The following TMEM45B variants were observed in gnomAD, a reference collection of about 807,000 sequenced individuals.
The protein encoded by TMEM45B is transmembrane protein 45B.
Under a neutral mutation model 27.3 loss-of-function variants are expected in TMEM45B, and 29 were observed. That is an observed-to-expected ratio of 1.06 (90% CI 0.79 to 1.45). The LOEUF (loss-of-function observed/expected upper bound fraction) is 1.45. Ranked by LOEUF, TMEM45B falls within the 40% of genes most tolerant of loss-of-function variation. The probability of loss-of-function intolerance (pLI) is 0.00; values close to 1 mark genes in which losing one functional copy is unlikely to be tolerated. For synonymous variants in TMEM45B, 143 were observed against 134.7 expected (o/e 1.06, Z -0.43); for missense variants, 348 against 343.9 (o/e 1.01, Z -0.09).
intron 2 of TMEM45B, among the ~76,000 whole-genome samples, chr11:129,853,776 C>G (rs1049722043): frequency 6.6e-6 from 1 of 152,112 alleles, no homozygotes; most frequent in Non-Finnish European, 1.5e-5. Context: ...CTTCCTGACT[C>G]TGTGTGTGGG....
intron 1 of TMEM45B, among the ~76,000 whole-genome samples, chr11:129,843,225 A>G (rs1241853610): frequency 2.0e-5 from 3 of 152,228 alleles, no homozygotes; most frequent in Non-Finnish European, 4.4e-5. Context: ...GATTACAGGC[A>G]TGAGCCACTG....
At chr11:129,858,090 A>G (rs1318609315) in intron 5 of TMEM45B, among the ~76,000 whole-genome samples, 1 of 152,192 alleles carries the variant, frequency 6.6e-6, no homozygotes, top group Non-Finnish European at 1.5e-5. Flanking sequence ...AGGTCACCCC[A>G]CTAATAAATG....
intron 1 of TMEM45B, among the ~76,000 whole-genome samples, chr11:129,817,337 G>A (rs1021271048): frequency 6.6e-6 from 1 of 152,190 alleles, no homozygotes; most frequent in Non-Finnish European, 1.5e-5. Context: ...GCCCAGGGGC[G>A]TCAGACTTAG....
At position 129,854,646 on chromosome 11, in the gene TMEM45B, A is replaced by T. The variant is rs757324419; in HGVS notation, c.215A>T (p.His72Leu). ...LAEQFVPDGPHLHLYHENHWI... is the reference protein window; with the variant it reads ...LAEQFVPDGPLLHLYHENHWI... ...GAGCAGTTTGTTCCGGATGGGCCCC[A>T]CCTGCACCTCTACCATGAGAACCAC... The change falls in exon 3 of 6, where the codon CAC (histidine) becomes CTC (leucine). Residue 72 changes from histidine (H) to leucine (L), a missense_variant. By Grantham distance (99) the His-to-Leu change is moderately conservative (BLOSUM62 -3). Coordinates refer to ENST00000281441, the MANE Select transcript of TMEM45B (RefSeq NM_138788.5). The T allele has an allele frequency of 1.9e-6, 3 of 1,614,132 alleles. 1 individual carries two copies. Among genetic ancestry groups the T allele is most frequent in the Non-Finnish European group, 2.5e-6 (3 of 1,180,008 alleles).
Position 129,855,736 on chromosome 11 carries a change from C to A in TMEM45B, c.414C>A (p.Asn138Lys), listed in dbSNP as rs764124298. The stretch of plus-strand genomic sequence containing the variant: ...TCCTCTTCTACTACCACGTCCACAA[C>A]CGGCCTCCGCTGGACCAGCACATCC... ...EGFLFYYHVH[N>K]RPPLDQHIHS... The change falls in exon 4 of 6, where the codon AAC becomes AAA. Residue 138 changes from asparagine to lysine, a missense_variant. Transcript: ENST00000281441. 6.2e-7 allele frequency: 1 copy of A among 1,614,166 alleles called. No homozygotes were observed. The highest frequency in any genetic ancestry group is 1.7e-4 in the Middle Eastern group (1 of 6,060).
intron 3 of TMEM45B, among the ~76,000 whole-genome samples, chr11:129,855,314 C>T (rs1196895157): frequency 6.6e-6 from 1 of 151,634 alleles, no homozygotes; most frequent in Non-Finnish European, 1.5e-5. Flanking sequence ...GGGAGCGCTG[C>T]CAGTATGACT....
At chr11:129,853,035 A>C (rs1015339864) in intron 2 of TMEM45B, 21 of 162,506 alleles carry the variant, frequency 1.3e-4, no homozygotes, top group African/African-American at 5.0e-4. Context: ...TTTTTCCTCA[A>C]TTGTCTCTCC....
At position 129,821,547 on chromosome 11, in the gene TMEM45B, A is replaced by G. The variant is rs116807145; in HGVS notation, c.-9+5649A>G. 4.9e-3 allele frequency among the ~76,000 whole-genome samples: 751 copies of G among 152,308 alleles called. 6 individuals are homozygous for G. Among genetic ancestry groups the G allele is most frequent in the African/African-American group, 0.017 (712 of 41,560 alleles). On this transcript the variant is annotated intron_variant, in intron 1 of 5. Coordinates refer to ENST00000281441, the MANE Select transcript of TMEM45B (RefSeq NM_138788.5). ...TTAAAGAAGGCTCCCAAAAGTGTATAAGATTCAGGCCCCATAAGATGCGGT... is the reference window on the plus strand; with the variant it reads ...TTAAAGAAGGCTCCCAAAAGTGTATGAGATTCAGGCCCCATAAGATGCGGT...
chr11:129,846,808 A>C (rs146156323), intron 1 of TMEM45B, among the ~76,000 whole-genome samples: 1 of 152,336 alleles, frequency 6.6e-6, no homozygotes, highest in Non-Finnish European at 1.5e-5. Context: ...AGACCTGAGT[A>C]AAGTGAAGGA....
At chr11:129,821,037 G>T (rs1282872655) in intron 1 of TMEM45B, among the ~76,000 whole-genome samples, 1 of 151,834 alleles carries the variant, frequency 6.6e-6, no homozygotes, top group Non-Finnish European at 1.5e-5. Context: ...TTTCTTTTAA[G>T]TTCCCAGTAC....
At chr11:129,826,104 A>G (rs2249352) in intron 1 of TMEM45B, among the ~76,000 whole-genome samples, 51,436 of 151,600 alleles carry the variant, frequency 0.34, 9,409 homozygotes, top group East Asian at 0.48. Flanking sequence ...GGTAATAGCC[A>G]TAGCCTTAGT....
chr11:129,833,159 G>A (rs1166758582), intron 1 of TMEM45B, among the ~76,000 whole-genome samples: 1 of 151,738 alleles, frequency 6.6e-6, no homozygotes, highest in African/African-American at 2.4e-5. Flanking sequence ...AGAGTTGCTT[G>A]AACCCGAGAG....
chr11:129,845,032 AAT>A (rs371120021), intron 1 of TMEM45B, among the ~76,000 whole-genome samples: 1 of 152,054 alleles, frequency 6.6e-6, no homozygotes, highest in Non-Finnish European at 1.5e-5. Flanking sequence ...AATATCAAAG[AAT>A]ATATATATAT....
In TMEM45B at chr11:129,859,445, T is replaced by C. The variant is rs1364894837; in HGVS notation, c.*760T>C. 3 of 152,146 alleles carry C rather than the reference T, an allele frequency of 2.0e-5. No individual in the cohort carries two copies. Among genetic ancestry groups the C allele is most frequent in the Non-Finnish European group, 4.4e-5 (3 of 68,020 alleles). 9.4% of individuals were successfully genotyped at this position (152,146 alleles called of 1,614,324 possible). A position where few individuals can be genotyped will look rare whatever the true frequency, so the allele number is the denominator to read the frequency against. On this transcript the variant is annotated 3_prime_UTR_variant, in exon 6 of 6. Coordinates refer to ENST00000281441, the MANE Select transcript of TMEM45B (RefSeq NM_138788.5). ...AACGTCAGGTATGGAAGGCTTTCAG[T>C]TTTAATATGGCTGAAAGCAAAGGAT... is the stretch of plus-strand genomic sequence containing the variant.
At chr11:129,817,117 C>T (rs561206304) in intron 1 of TMEM45B, among the ~76,000 whole-genome samples, 1 of 152,216 alleles carries the variant, frequency 6.6e-6, no homozygotes, top group Non-Finnish European at 1.5e-5. Flanking sequence ...CCTCCTGCAC[C>T]TTTTTGTCTC....
At chr11:129,843,819 A>G (rs1591445034) in intron 1 of TMEM45B, among the ~76,000 whole-genome samples, 1 of 152,364 alleles carries the variant, frequency 6.6e-6, no homozygotes, top group East Asian at 1.9e-4. Flanking sequence ...GGATGTGGAT[A>G]AAGGGAACCT....
intron 4 of TMEM45B, among the ~76,000 whole-genome samples, chr11:129,856,743 T>C (rs1472359346): frequency 1.3e-5 from 2 of 151,344 alleles, no homozygotes; most frequent in African/African-American, 4.9e-5. Flanking sequence ...GTATTTTTAG[T>C]AGAGATGGGG....
At chr11:129,856,361 G>A (rs1033080406) in intron 4 of TMEM45B, among the ~76,000 whole-genome samples, 11 of 151,650 alleles carry the variant, frequency 7.3e-5, no homozygotes, top group East Asian at 3.9e-4. Flanking sequence ...ACAGGTGCCC[G>A]CCACCACACC....
chr11:129,815,853 T>G lies in TMEM45B; in HGVS notation c.-54T>G. ...GCACCTGCTTCTGGGCGGACGCACT[T>G]GGCGCGCGGCGCGGGCTGCAGACGG... is the stretch of plus-strand genomic sequence containing the variant. On this transcript the variant is annotated 5_prime_UTR_variant, in exon 1 of 6. Transcript: ENST00000281441. 4 of 1,309,798 alleles carry G rather than the reference T, an allele frequency of 3.1e-6. No individual in the cohort carries two copies. The highest frequency in any genetic ancestry group is 3.9e-6 in the Non-Finnish European group (4 of 1,037,698). 81.1% of individuals were successfully genotyped at this position (1,309,798 alleles called of 1,614,324 possible).
Sources: allele counts gnomAD v4.1 joint callset (sites outside exome capture counted in the v4.1 genomes callset), GRCh38; gene constraint gnomAD v4.1.1; transcripts MANE v1.5; gene names NCBI Gene and HGNC (gene_info 2026-07-23, HGNC 2026-07-21).